The following PKD1 variants were observed in gnomAD, a reference collection of about 807,000 sequenced individuals.
PKD1 encodes the protein polycystin-1.
PKD1 carries 81 observed loss-of-function variants against 361.7 expected under a neutral mutation model. The observed-to-expected ratio is 0.22, with a 90% CI of 0.19 to 0.27. The LOEUF is 0.27. PKD1 is among the 10% of genes least tolerant of loss of function. The pLI is 1.00. For synonymous variants in PKD1, 3,615 were observed against 2,818.3 expected (o/e 1.28, Z -8.95); for missense variants, 6,399 against 6,118.3 (o/e 1.05, Z -1.53).
chr16:2,097,643 C>A, intron 32 of PKD1, 85 bp downstream of exon 32: 2 of 1,610,632 alleles, frequency 1.2e-6, no homozygotes, highest in Non-Finnish European at 1.7e-6. Flanking sequence ...CACAGACACC[C>A]AGCAAGGACA....
At position 2,092,082 on chromosome 16, in the gene PKD1, C is replaced by G. The variant is rs201509188; in HGVS notation, c.11376G>C (p.Ser3792=). Residue 3792 remains serine, a synonymous_variant, in exon 40 of 46, where the codon TCG becomes TCC. Coordinates refer to ENST00000262304, the MANE Select transcript of PKD1 (RefSeq NM_001009944.3). ...CCGGCGCTGAATAGGCCCACGTCCC[C>G]GAGCCATTGTGAGGACTCTCCCAGC... ...DVGWESPHNG[S]GTWAYSAPDL... 1.3e-3 allele frequency: 2,084 copies of G among 1,610,992 alleles called. 1 individual carries two copies. The highest frequency in any genetic ancestry group is 1.5e-3 in the East Asian group (69 of 44,588).
chr16:2,096,545 C>T (rs926776908), intron 34 of PKD1, among the ~76,000 whole-genome samples: 1 of 151,862 alleles, frequency 6.6e-6, no homozygotes, highest in Non-Finnish European at 1.5e-5. Flanking sequence ...GACGGAGTTT[C>T]GCTCTTGTTG....
At chr16:2,093,519 G>A (rs952370424) in intron 37 of PKD1, 25 bp downstream of exon 37, 9 of 1,579,238 alleles carry the variant, frequency 5.7e-6, no homozygotes, top group Non-Finnish European at 6.9e-6. Context: ...GAGGTGGCAG[G>A]GGCACAGGCC....
chr16:2,096,324 G>T (rs559258414), intron 34 of PKD1, among the ~76,000 whole-genome samples: 22 of 152,356 alleles, frequency 1.4e-4, no homozygotes, highest in Non-Finnish European at 5.9e-5. Flanking sequence ...GCAGTGCAAC[G>T]GCAGGGCCGT....
Position 2,091,063 on chromosome 16 carries a change from C to G in PKD1, c.11824G>C (p.Val3942Leu). The change falls in exon 43 of 46, where the codon GTG (valine) becomes CTG (leucine). Residue 3942 changes from valine (V) to leucine (L), a missense_variant. Coordinates refer to ENST00000262304, the MANE Select transcript of PKD1 (RefSeq NM_001009944.3). Reference protein sequence around the residue: ...RLGAWARWLLVALTAATALVR... With the variant: ...RLGAWARWLLLALTAATALVR... ...AGTGCCGTGGCCGCCGTCAGCGCCA[C>G]CAGCAGCCACCGCGCCCAGGCTCCG... 2 of 1,518,524 alleles carry G rather than the reference C, an allele frequency of 1.3e-6. No homozygotes were observed. Among genetic ancestry groups the G allele is most frequent in the Non-Finnish European group, 1.8e-6 (2 of 1,138,744 alleles). 94.1% of individuals were successfully genotyped at this position (1,518,524 alleles called of 1,614,324 possible).
At position 2,102,205 on chromosome 16, in the gene PKD1, G is replaced by A. The variant is rs1163975811; in HGVS notation, c.9253C>T (p.Leu3085=). The change falls in exon 26 of 46, where the codon CTG becomes TTG. Residue 3085 remains leucine, a synonymous_variant. Transcript: ENST00000262304. ...YIVMLTCAVC[L]VTYMVMAAIL... ...GCGGCCATGACCATGTAGGTCACCA[G>A]GCACACAGCACATGTCAGCATGACG... 1.3e-6 allele frequency: 2 copies of A among 1,513,862 alleles called. No individual in the cohort carries two copies. The highest frequency in any genetic ancestry group is 2.9e-5 in the African/African-American group (2 of 69,826). 93.8% of individuals were successfully genotyped at this position (1,513,862 alleles called of 1,614,324 possible).
rs766969696 is a variant in PKD1 at position 2,114,325 on chromosome 16, G to A, written c.2698C>T (p.Pro900Ser). ...NDTLFSVVAL[P>S]WLSEGEHVVD... Reference sequence around the variant, plus strand: ...ACGTGCTCCCCCTCACTGAGCCACGGCAGTGCTACCACTGAGAACAGGGTA... The same window carrying A: ...ACGTGCTCCCCCTCACTGAGCCACGACAGTGCTACCACTGAGAACAGGGTA... Residue 900 changes from proline (P) to serine (S), a missense_variant, in exon 11 of 46, where the codon CCG (proline) becomes TCG (serine). Transcript: ENST00000262304. 1.2e-6 allele frequency: 2 copies of A among 1,610,524 alleles called. No individual in the cohort carries two copies. The highest frequency in any genetic ancestry group is 1.7e-6 in the Non-Finnish European group (2 of 1,179,682).
rs1178210833 is a variant in PKD1, at chr16:2,100,117, C to T, written c.9713-46G>A. The stretch of plus-strand genomic sequence containing the variant: ...CACTGCAGGAGGCCACGGGGCAGGA[C>T]CACCCTGCCCAACCTCCCACGGAGT... On this transcript the variant is annotated intron_variant, in intron 28 of 45. Coordinates refer to ENST00000262304, the MANE Select transcript of PKD1 (RefSeq NM_001009944.3). This position sits in a 1 kb window ranked among gnomAD's most constrained non-coding sequence, Gnocchi z 4.4. 1 of 1,599,800 alleles carries T rather than the reference C, an allele frequency of 6.3e-7. No individual in the cohort carries two copies. Among genetic ancestry groups the T allele is most frequent in the African/African-American group, 1.3e-5 (1 of 74,720 alleles).
In PKD1 at chr16:2,119,330, C is replaced by A; in HGVS notation, c.264G>T (p.Ala88=). 1 of 1,361,796 alleles carries A rather than the reference C, an allele frequency of 7.3e-7. No individual in the cohort carries two copies. Among genetic ancestry groups the A allele is most frequent in the South Asian group, 1.2e-5 (1 of 80,580 alleles). 84.4% of individuals were successfully genotyped at this position (1,361,796 alleles called of 1,614,324 possible). ...ACAGCTCTGCCAGCGCCGAGAGGTT[C>A]GCCAGGAGCCCAACGTCCAGCGCCC... is the stretch of plus-strand genomic sequence containing the variant. ...LLRALDVGLL[A]NLSALAELDI... Residue 88 remains alanine (A), a synonymous_variant, in exon 2 of 46, where the codon GCG becomes GCT. Transcript: ENST00000262304.
rs749619625 is a variant in PKD1, at chr16:2,108,650, C to T, written c.6517G>A (p.Val2173Ile). 1.8e-5 allele frequency: 28 copies of T among 1,562,568 alleles called. No individual in the cohort carries two copies. Among genetic ancestry groups the T allele is most frequent in the African/African-American group, 2.7e-5 (2 of 73,898 alleles). Residue 2173 changes from valine (V) to isoleucine (I), a missense_variant, in exon 15 of 46, where the codon GTT becomes ATT. By Grantham distance (29) the Val-to-Ile change is conservative. Transcript: ENST00000262304. ...TAGGTGACGCAGTCGCGCAGGTCAA[C>T]GTGGGCCTCCAAGTAGTTGCGCTGT... ...RSQRNYLEAH[V>I]DLRDCVTYQT...
At chr16:2,094,319 TCCC>T in intron 34 of PKD1, 109 bp from the exon 35 acceptor site, 1 of 740,286 alleles carries the variant, frequency 1.4e-6, no homozygotes, top group Non-Finnish European at 2.4e-6. Flanking sequence ...GGTCACAGGG[TCCC>T]CCCGACAAAA....
intron 30 of PKD1, chr16:2,099,297 C>T (rs991128894): frequency 1.9e-5 from 7 of 371,734 alleles, no homozygotes; most frequent in Non-Finnish European, 3.1e-5. Context: ...CTAACTCAGC[C>T]TCTTCACTTC....
In PKD1 at chr16:2,100,712, G is replaced by C. The variant is rs1320424734; in HGVS notation, c.9398-146C>G. 2 of 659,768 alleles carry C rather than the reference G, an allele frequency of 3.0e-6. No homozygotes were observed. The highest frequency in any genetic ancestry group is 5.3e-5 in the East Asian group (2 of 37,702). 40.9% of individuals were successfully genotyped at this position (659,768 alleles called of 1,614,324 possible). ...TTTGCACGGCTCTGCCATACACAAG[G>C]AGCTGCGGTTACTGCAATTTGTCCA... On this transcript the variant is annotated intron_variant, in intron 26 of 45. Transcript: ENST00000262304. The surrounding 1 kb of genome is among the most constrained non-coding windows in gnomAD (Gnocchi z 4.4).
rs144409293 is a variant in PKD1 at position 2,106,219 on chromosome 16, G to A, written c.7575C>T (p.Phe2525=). 3.3e-4 allele frequency: 535 copies of A among 1,610,260 alleles called. No homozygotes were observed. The highest frequency in any genetic ancestry group is 7.0e-4 in the South Asian group (64 of 90,990). ...TGGAGAGGCTGCCCTTGTAGACACAGAACTCCTCGCAGTGGCCCTGGCGAC... is the reference window on the plus strand; with the variant it reads ...TGGAGAGGCTGCCCTTGTAGACACAAAACTCCTCGCAGTGGCCCTGGCGAC... The part of the protein sequence containing the change: ...RRCRQGHCEE[F]CVYKGSLSSY... The change falls in exon 19 of 46, where the codon TTC becomes TTT. Residue 2525 remains phenylalanine, a synonymous_variant. Coordinates refer to ENST00000262304, the MANE Select transcript of PKD1 (RefSeq NM_001009944.3). The surrounding 1 kb of genome is among the most constrained non-coding windows in gnomAD (Gnocchi z 6.5).
intron 20 of PKD1, 31 bp downstream of exon 20, chr16:2,105,834 G>A (rs779994703): frequency 8.8e-6 from 14 of 1,588,812 alleles, no homozygotes; most frequent in African/African-American, 1.3e-5. Flanking sequence ...GCATGCAGCA[G>A]ATGTGACGTC....
In PKD1 at chr16:2,110,522, G is replaced by A. The variant is rs372428239; in HGVS notation, c.4645C>T (p.Arg1549Trp). ...WLNVTVKRRV[R>W]GLVVNASRTV... ...CGGCTTGCATTGACGACGAGCCCCC[G>A]CACGCGCCGCTTCACCGTCACATTG... The change falls in exon 15 of 46, where the codon CGG becomes TGG. Residue 1549 changes from arginine to tryptophan, a missense_variant. Transcript: ENST00000262304. 29 of 1,611,546 alleles carry A rather than the reference G, an allele frequency of 1.8e-5. No homozygotes were observed. Among genetic ancestry groups the A allele is most frequent in the Admixed American group, 1.2e-4 (7 of 59,990 alleles).
At chr16:2,116,203 A>T (rs2092632328) in intron 8 of PKD1, 85 bp from the exon 9 acceptor site, 1 of 1,400,440 alleles carries the variant, frequency 7.1e-7, no homozygotes, top group Non-Finnish European at 9.8e-7. Context: ...TCCCAGGAAG[A>T]GGGGAGGGAA....
At chr16:2,121,291 C>A (rs140747784) in intron 1 of PKD1, among the ~76,000 whole-genome samples, 2 of 150,980 alleles carry the variant, frequency 1.3e-5, no homozygotes, top group Non-Finnish European at 2.9e-5. Flanking sequence ...CTTGAACCCG[C>A]GAGGCAGAGG....
Position 2,119,197 on chromosome 16 carries a change from G to A in PKD1, c.288-12C>T, listed in dbSNP as rs755936768. On this transcript the variant is annotated splice_polypyrimidine_tract_variant and intron_variant, in intron 2 of 45. Transcript: ENST00000262304. ...TGTTGCTTATATCCCTGGAAGAGAC[G>A]GGGGATTCGGCAAAGCTGATGGAAG... 25 of 1,559,554 alleles carry A rather than the reference G, an allele frequency of 1.6e-5. 1 individual carries two copies. Among genetic ancestry groups the A allele is most frequent in the Middle Eastern group, 2.3e-4 (1 of 4,376 alleles).
Sources: allele counts gnomAD v4.1 joint callset (sites outside exome capture counted in the v4.1 genomes callset), GRCh38; gene constraint gnomAD v4.1.1; non-coding constraint Gnocchi (gnomAD v3.1); transcripts MANE v1.5; gene names NCBI Gene and HGNC (gene_info 2026-07-23, HGNC 2026-07-21).